Variants in GANC observed in about 807,000 individuals in gnomAD.
GANC encodes neutral alpha-glucosidase C.
Under a neutral mutation model 124.2 loss-of-function variants are expected in GANC, and 117 were observed. The observed-to-expected ratio is 0.94, with a 90% CI of 0.81 to 1.10. The LOEUF (loss-of-function observed/expected upper bound fraction) is 1.10, where lower values mean the gene tolerates loss of function less well. Ranked by LOEUF, GANC falls within the 50% of genes least tolerant of loss-of-function variation. The pLI is 0.00. For synonymous variants in GANC, 377 were observed against 376.8 expected (o/e 1.00, Z -0.01); for missense variants, 1,140 against 1,095.0 (o/e 1.04, Z -0.58).
intron 15 of GANC, among the ~76,000 whole-genome samples, chr15:42,331,384 A>G (rs1319004281): frequency 6.6e-6 from 1 of 152,210 alleles, no homozygotes; most frequent in Non-Finnish European, 1.5e-5. Context: ...TGTGGCTTAA[A>G]ATAGACCTGG....
chr15:42,290,460 A>C (rs993357583), intron 4 of GANC, among the ~76,000 whole-genome samples: 1 of 152,214 alleles, frequency 6.6e-6, no homozygotes, highest in Non-Finnish European at 1.5e-5. Context: ...AGGTCACTGA[A>C]TTAGTCCATA....
chr15:42,296,546 C>A (rs1197280742), intron 5 of GANC, among the ~76,000 whole-genome samples: 1 of 152,124 alleles, frequency 6.6e-6, no homozygotes, highest in East Asian at 1.9e-4. Context: ...GTGCCCACCA[C>A]CACGTCCAGC....
chr15:42,339,632 A>G (rs1395807995), intron 16 of GANC, 37 bp from the exon 17 acceptor site: 1 of 1,601,406 alleles, frequency 6.2e-7, no homozygotes, highest in Non-Finnish European at 8.5e-7. Context: ...ATTTATCCAA[A>G]GCTTGGTTGC....
intron 10 of GANC, among the ~76,000 whole-genome samples, chr15:42,316,319 G>T (rs991537822): frequency 3.9e-5 from 6 of 152,156 alleles, no homozygotes; most frequent in African/African-American, 1.4e-4. Context: ...CTACCACCAA[G>T]ACGCGGAGAC....
chr15:42,318,088 T>C (rs2052124588), intron 10 of GANC, among the ~76,000 whole-genome samples: 1 of 152,224 alleles, frequency 6.6e-6, no homozygotes, highest in East Asian at 1.9e-4. Flanking sequence ...CCCTGGAGAC[T>C]TCCTTCCCTA....
Position 42,274,395 on chromosome 15 carries a change from TAGAA to T in GANC, c.-83_-80del, listed in dbSNP as rs1345926088. On this transcript the variant is annotated 5_prime_UTR_variant, in exon 1 of 24. An upstream open reading frame in the 5' UTR gains an earlier in-frame stop. Transcript: ENST00000318010. The stretch of plus-strand genomic sequence containing the variant: ...GACGATGAAGTACTGGTTGTAATTT[TAGAA>T]AGACACCCAATCGGCTTTTTTAAAA... The T allele has an allele frequency of 3.5e-6, 5 of 1,418,972 alleles. No homozygotes were observed. In the African/African-American group the frequency reaches 5.7e-5, roughly 16 times the overall value. The allele number at this position is 1,418,972 out of a possible 1,614,324, so 87.9% of individuals were successfully genotyped here.
In GANC at chr15:42,287,829, G is replaced by T; in HGVS notation, c.329+11G>T. 6.2e-7 allele frequency: 1 copy of T among 1,601,214 alleles called. No individual in the cohort carries two copies. The highest frequency in any genetic ancestry group is 1.1e-5 in the South Asian group (1 of 88,972). On this transcript the variant is annotated intron_variant, in intron 4 of 23. Coordinates refer to ENST00000318010, the MANE Select transcript of GANC (RefSeq NM_198141.3). ...GCCAAGCACTGTAAGGTAAGCCAAG[G>T]AGCGAGGTATTTTAGAGACACGCTT...
At position 42,326,281 on chromosome 15, in the gene GANC, C is replaced by G; in HGVS notation, c.1294-17C>G. 1 of 1,569,128 alleles carries G rather than the reference C, an allele frequency of 6.4e-7. No individual in the cohort carries two copies. The highest frequency in any genetic ancestry group is 1.1e-5 in the South Asian group (1 of 89,470). Reference sequence around the variant, plus strand: ...ACATAAAACTGATGAGACCTCCAAACCTTCATGTCCTGACAGCTTGTGGTC... The same window carrying G: ...ACATAAAACTGATGAGACCTCCAAAGCTTCATGTCCTGACAGCTTGTGGTC... On this transcript the variant is annotated splice_polypyrimidine_tract_variant and intron_variant, in intron 11 of 23. Transcript: ENST00000318010.
At chr15:42,283,928 A>G in intron 3 of GANC, 2 of 702,632 alleles carry the variant, frequency 2.8e-6, no homozygotes, top group East Asian at 2.7e-5. Flanking sequence ...TATTCTTTGT[A>G]GAAAATCAGT....
At chr15:42,280,932 C>T (rs1031547949) in intron 3 of GANC, 1 of 702,382 alleles carries the variant, frequency 1.4e-6, no homozygotes, top group African/African-American at 1.7e-5. Context: ...GTGCCAGGAC[C>T]AGAGCCCAAC....
Position 42,326,311 on chromosome 15 carries a change from G to A in GANC, c.1307G>A (p.Ser436Asn). ...RSKKRKLVVI[S>N]DPHIKIDPDY... ...ATGTCCTGACAGCTTGTGGTCATCA[G>A]TGATCCCCACATCAAGATTGATCCT... Residue 436 changes from serine to asparagine, a missense_variant, in exon 12 of 24, where the codon AGT becomes AAT. Coordinates refer to ENST00000318010, the MANE Select transcript of GANC (RefSeq NM_198141.3). The A allele has an allele frequency of 6.2e-7, 1 of 1,610,690 alleles. No homozygotes were observed. The highest frequency in any genetic ancestry group is 8.5e-7 in the Non-Finnish European group (1 of 1,176,902).
intron 17 of GANC, 89 bp from the exon 18 acceptor site, chr15:42,340,601 T>TAAAAAA: frequency 6.3e-6 from 5 of 795,256 alleles, no homozygotes; most frequent in Non-Finnish European, 7.5e-6. Context: ...GAGATCCATC[T>TAAAAAA]AAAAAAAAAA....
At chr15:42,336,830 A>G (rs2052286969) in intron 15 of GANC, among the ~76,000 whole-genome samples, 1 of 152,244 alleles carries the variant, frequency 6.6e-6, no homozygotes, top group African/African-American at 2.4e-5. Flanking sequence ...AAGAACATGA[A>G]CAGACACTTT....
At chr15:42,342,941 C>A in intron 18 of GANC, 137 bp from the exon 19 acceptor site, 1 of 661,466 alleles carries the variant, frequency 1.5e-6, no homozygotes. Context: ...ATCATTGGTT[C>A]AAGTCAGTCT....
intron 5 of GANC, among the ~76,000 whole-genome samples, chr15:42,295,450 G>T (rs914676045): frequency 4.0e-5 from 6 of 151,590 alleles, no homozygotes; most frequent in African/African-American, 1.5e-4. Context: ...ATCAATTGCA[G>T]ATGAATAAAA....
In GANC at chr15:42,330,566, G is replaced by C; in HGVS notation, c.1645-10G>C. On this transcript the variant is annotated splice_polypyrimidine_tract_variant and intron_variant, in intron 14 of 23. Coordinates refer to ENST00000318010, the MANE Select transcript of GANC (RefSeq NM_198141.3). ...CATCTCTTTGAAATTTTTCTTGTTT[G>C]GTGATATAGCAAATGGCTACTGCAG... The C allele has an allele frequency of 6.2e-7, 1 of 1,603,358 alleles. No homozygotes were observed. Among genetic ancestry groups the C allele is most frequent in the Non-Finnish European group, 8.5e-7 (1 of 1,171,196 alleles).
chr15:42,309,019 G>A (rs1179405303), intron 8 of GANC, among the ~76,000 whole-genome samples: 4 of 152,174 alleles, frequency 2.6e-5, no homozygotes, highest in Non-Finnish European at 4.4e-5. Flanking sequence ...AAATGGGAGA[G>A]TGAGCCAGAG....
At chr15:42,282,939 A>G (rs1454183851) in intron 3 of GANC, among the ~76,000 whole-genome samples, 1 of 152,202 alleles carries the variant, frequency 6.6e-6, no homozygotes, top group African/African-American at 2.4e-5. Context: ...GAGTGTGTAC[A>G]CAAGCTCTCC....
chr15:42,290,903 TC>T (rs2051834400), intron 4 of GANC, among the ~76,000 whole-genome samples: 1 of 152,096 alleles, frequency 6.6e-6, no homozygotes, highest in Non-Finnish European at 1.5e-5. Flanking sequence ...TCACTGGCCC[TC>T]CCATTTCAGC....
Sources: allele counts gnomAD v4.1 joint callset (sites outside exome capture counted in the v4.1 genomes callset), GRCh38; gene constraint gnomAD v4.1.1; transcripts MANE v1.5; gene names NCBI Gene and HGNC (gene_info 2026-07-23, HGNC 2026-07-21).